Variants in CAST observed in about 807,000 individuals in gnomAD.
CAST encodes MIR583 host.
A neutral mutation model predicts 119.6 loss-of-function variants in CAST; 76 were observed. That is an observed-to-expected ratio of 0.64 (90% CI 0.53 to 0.77). CAST has a LOEUF of 0.77. Ranked by LOEUF, CAST falls within the 30% of genes least tolerant of loss-of-function variation. CAST has a pLI of 0.00. For missense variants in CAST, 953 were observed against 946.5 expected, an observed-to-expected ratio of 1.01 and a Z score of -0.09; for synonymous variants, 319 against 331.6, an observed-to-expected ratio of 0.96 and a Z score of 0.41.
At position 96,707,272 on chromosome 5, in the gene CAST, C is replaced by T. The variant is rs531422504; in HGVS notation, c.210+11365C>T. On this transcript the variant is annotated intron_variant, in intron 3 of 31. Coordinates refer to ENST00000675179, the MANE Select transcript of CAST (RefSeq NM_001750.7). ...GTTGCCATTTGTTTTCCTACAGATCCCTTTACAACACTCTGTTTTTTAAAA... is the reference window on the plus strand; with the variant it reads ...GTTGCCATTTGTTTTCCTACAGATCTCTTTACAACACTCTGTTTTTTAAAA... Among the ~76,000 whole-genome samples, 40 of 152,208 alleles carry T rather than the reference C, an allele frequency of 2.6e-4. 1 individual carries two copies. The highest frequency in any genetic ancestry group is 2.6e-3 in the Admixed American group (40 of 15,288).
At chr5:96,291,043 C>T in the CAST span, among the ~76,000 whole-genome samples, 6 of 152,224 alleles carry the variant, frequency 3.9e-5, no homozygotes, top group Non-Finnish European at 8.8e-5. Flanking sequence ...CAGAGAACAA[C>T]TGAGGCTCTC....
chr5:96,038,770 A>G, the CAST span, among the ~76,000 whole-genome samples: 1 of 152,136 alleles, frequency 6.6e-6, no homozygotes, highest in East Asian at 1.9e-4. Context: ...CCAGTCTATC[A>G]TTGATGGACA....
At chr5:96,561,798 T>TTTTTTTTG (rs1746373122) in intron 1 of CAST, among the ~76,000 whole-genome samples, 1 of 86,616 alleles carries the variant, frequency 1.2e-5, no homozygotes, top group Non-Finnish European at 2.3e-5. Flanking sequence ...TTTTTTTTGT[T>TTTTTTTTG]TTTTTTTTTT....
intron 16 of CAST, 32 bp downstream of exon 16, chr5:96,742,788 G>GT: frequency 6.8e-7 from 1 of 1,470,522 alleles, no homozygotes; most frequent in Non-Finnish European, 9.5e-7. Flanking sequence ...TACAAAGCTT[G>GT]TTAGTCTGCA....
the CAST span, among the ~76,000 whole-genome samples, chr5:96,317,476 C>CAA: frequency 3.5e-3 from 177 of 50,546 alleles, no homozygotes; most frequent in Admixed American, 5.8e-3. Flanking sequence ...GACTCCATCT[C>CAA]AAAAAAAAAA....
chr5:96,359,670 T>C, the CAST span, among the ~76,000 whole-genome samples: 1 of 152,206 alleles, frequency 6.6e-6, no homozygotes, highest in Non-Finnish European at 1.5e-5. Flanking sequence ...CCCCATTCTA[T>C]TCTGGCTTGT....
chr5:96,232,332 C>T, the CAST span, among the ~76,000 whole-genome samples: 4 of 152,032 alleles, frequency 2.6e-5, no homozygotes, highest in Non-Finnish European at 4.4e-5. Context: ...ATTTTCACAA[C>T]TTATACTGTG....
the CAST span, among the ~76,000 whole-genome samples, chr5:96,228,579 CT>C: frequency 1.3e-5 from 2 of 152,146 alleles, no homozygotes; most frequent in East Asian, 1.9e-4. Flanking sequence ...ATTTGCAATC[CT>C]TTTTGCTAAT....
At chr5:96,106,004 T>C in the CAST span, among the ~76,000 whole-genome samples, 1 of 152,234 alleles carries the variant, frequency 6.6e-6, no homozygotes, top group African/African-American at 2.4e-5. Flanking sequence ...TTCTTCTAGA[T>C]TTTGTAGTTT....
chr5:96,723,817 A>C (rs890111974), intron 4 of CAST, among the ~76,000 whole-genome samples: 1 of 152,162 alleles, frequency 6.6e-6, no homozygotes, highest in Non-Finnish European at 1.5e-5. Context: ...ATTATTATTA[A>C]ATTGCCCTTG....
the CAST span, among the ~76,000 whole-genome samples, chr5:96,426,136 C>T: frequency 9.2e-5 from 14 of 152,230 alleles, no homozygotes; most frequent in African/African-American, 3.4e-4. Flanking sequence ...TAAAGTGCAC[C>T]TTTAGGGGGA....
the CAST span, among the ~76,000 whole-genome samples, chr5:96,248,423 A>G: frequency 6.6e-6 from 1 of 152,190 alleles, no homozygotes; most frequent in Admixed American, 6.5e-5. Flanking sequence ...CGTGTGCCAT[A>G]TATTTGGGTG....
chr5:96,212,108 T>A, the CAST span, among the ~76,000 whole-genome samples: 1 of 152,214 alleles, frequency 6.6e-6, no homozygotes, highest in African/African-American at 2.4e-5. Flanking sequence ...TTTGTATTGT[T>A]TTTCTGGTTT....
intron 1 of CAST, among the ~76,000 whole-genome samples, chr5:96,560,561 C>G (rs946061099): frequency 7.2e-5 from 11 of 152,186 alleles, no homozygotes; most frequent in African/African-American, 2.4e-4. Flanking sequence ...AGACACTTCT[C>G]AAAAGAAGAC....
chr5:96,249,613 A>G, the CAST span, among the ~76,000 whole-genome samples: 3 of 152,236 alleles, frequency 2.0e-5, no homozygotes, highest in Non-Finnish European at 4.4e-5. Context: ...TTCCAAAACT[A>G]ACTGAAAAGT....
the CAST span, among the ~76,000 whole-genome samples, chr5:96,044,328 T>C: frequency 6.6e-6 from 1 of 152,202 alleles, no homozygotes; most frequent in Non-Finnish European, 1.5e-5. Flanking sequence ...GAATTAATGT[T>C]CTTATAAGAG....
At chr5:96,334,150 A>G in the CAST span, among the ~76,000 whole-genome samples, 6,449 of 152,272 alleles carry the variant, frequency 0.042, 185 homozygotes, top group Non-Finnish European at 0.065. Flanking sequence ...GTTGTTGTTC[A>G]TTGTTAATTC....
At chr5:96,063,230 T>C in the CAST span, among the ~76,000 whole-genome samples, 1 of 152,150 alleles carries the variant, frequency 6.6e-6, no homozygotes, top group Non-Finnish European at 1.5e-5. Flanking sequence ...AGTTCTCAGC[T>C]GAATCTCTGC....
At chr5:96,232,592 CA>C in the CAST span, among the ~76,000 whole-genome samples, 1 of 151,924 alleles carries the variant, frequency 6.6e-6, no homozygotes, top group African/African-American at 2.4e-5. Flanking sequence ...ACGAAAAACT[CA>C]GTAGAATTTG....
Sources: allele counts gnomAD v4.1 joint callset (sites outside exome capture counted in the v4.1 genomes callset), GRCh38; gene constraint gnomAD v4.1.1; transcripts MANE v1.5; gene names NCBI Gene and HGNC (gene_info 2026-07-23, HGNC 2026-07-21).